SNAPC1: variants seen among roughly 807,000 people sequenced by gnomAD.
SNAPC1 encodes small nuclear RNA activating complex polypeptide 1, also known as snRNA-activating protein complex subunit 1.
Under a neutral mutation model 50.1 loss-of-function variants are expected in SNAPC1, and 42 were observed. The ratio of observed to expected loss-of-function variants is 0.84; its 90% CI spans 0.65 to 1.08. The LOEUF is 1.08. Ranked by LOEUF, SNAPC1 falls within the 50% of genes least tolerant of loss-of-function variation. The pLI is 0.00. For synonymous variants in SNAPC1, 164 were observed against 144.2 expected, an observed-to-expected ratio of 1.14 and a Z score of -0.98; for missense variants, 477 against 427.3, an observed-to-expected ratio of 1.12 and a Z score of -1.02.
At chr14:61,786,511 T>C (rs1409417600) in intron 8 of SNAPC1, among the ~76,000 whole-genome samples, 2 of 152,182 alleles carry the variant, frequency 1.3e-5, no homozygotes, top group Non-Finnish European at 2.9e-5. Context: ...AGAAAAGATA[T>C]GGATGGCAAA....
Position 61,767,260 on chromosome 14 carries a change from G to T in SNAPC1, c.337G>T (p.Asp113Tyr), listed in dbSNP as rs772293809. Residue 113 changes from aspartate (D) to tyrosine (Y), a missense_variant, in exon 3 of 10, where the codon GAT becomes TAT. Asp to Tyr is a radical substitution (Grantham distance 160, BLOSUM62 -3). Coordinates refer to ENST00000216294, the MANE Select transcript of SNAPC1 (RefSeq NM_003082.4). ...GGATGAAGTTTTAAAATTTCAGCAA[G>T]ATTTAGTAAATGCACAGCATTTTGA... ...DWDEVLKFQQDLVNAQHFDAA... is the reference protein window; with the variant it reads ...DWDEVLKFQQYLVNAQHFDAA... The T allele has an allele frequency of 6.6e-7, 1 of 1,524,532 alleles. No individual in the cohort carries two copies. The highest frequency in any genetic ancestry group is 8.8e-7 in the Non-Finnish European group (1 of 1,134,746). 94.4% of individuals were successfully genotyped at this position (1,524,532 alleles called of 1,614,324 possible). A position where few individuals can be genotyped will look rare whatever the true frequency, so the allele number is the denominator to read the frequency against.
intron 1 of SNAPC1, among the ~76,000 whole-genome samples, chr14:61,765,854 T>C (rs543287977): frequency 2.6e-5 from 4 of 152,202 alleles, no homozygotes; most frequent in Non-Finnish European, 5.9e-5. Context: ...TCCTCCTCCT[T>C]TCTTCTGATG....
At chr14:61,774,193 G>A (rs1369912289) in intron 4 of SNAPC1, among the ~76,000 whole-genome samples, 1 of 149,744 alleles carries the variant, frequency 6.7e-6, no homozygotes, top group African/African-American at 2.5e-5. Context: ...TAAAGGTGGG[G>A]GTCTTGCTGT....
intron 8 of SNAPC1, among the ~76,000 whole-genome samples, chr14:61,790,683 C>A (rs549713531): frequency 1.3e-5 from 2 of 152,204 alleles, no homozygotes; most frequent in South Asian, 4.2e-4. Flanking sequence ...TGTCCAAGAC[C>A]TTCTAGATAA....
intron 8 of SNAPC1, among the ~76,000 whole-genome samples, chr14:61,787,495 A>T (rs776980536): frequency 6.6e-6 from 1 of 152,164 alleles, no homozygotes; most frequent in Non-Finnish European, 1.5e-5. Context: ...GAATCACGGC[A>T]GATTCAGAGA....
rs544564599 is a variant in SNAPC1, at chr14:61,765,635, C to T, written c.129-1241C>T. Among the ~76,000 whole-genome samples, 111 of 152,140 alleles carry T rather than the reference C, an allele frequency of 7.3e-4. 4 individuals are homozygous for T. The South Asian group carries it at 0.022, about 30-fold the overall frequency. ...CAGATATGCATCTATCTCAGTGAGCCGAGAAGTCACTTTGAATAGAATGGG... is the reference window on the plus strand; with the variant it reads ...CAGATATGCATCTATCTCAGTGAGCTGAGAAGTCACTTTGAATAGAATGGG... On this transcript the variant is annotated intron_variant, in intron 1 of 9. Transcript: ENST00000216294.
intron 6 of SNAPC1, 87 bp downstream of exon 6, chr14:61,778,227 TAAGAG>T (rs2045048630): frequency 2.8e-6 from 2 of 720,328 alleles, no homozygotes; most frequent in South Asian, 2.5e-5. Flanking sequence ...ATAAGACATA[TAAGAG>T]AAAATTCTGA....
At chr14:61,774,648 ATTTT>A (rs35300490) in intron 4 of SNAPC1, among the ~76,000 whole-genome samples, 46 of 90,962 alleles carry the variant, frequency 5.1e-4, no homozygotes, top group African/African-American at 1.9e-3. Context: ...TCAGTTTCTC[ATTTT>A]TTTTTTTTTT....
intron 8 of SNAPC1, among the ~76,000 whole-genome samples, chr14:61,786,978 C>A (rs1174920393): frequency 6.6e-6 from 1 of 152,214 alleles, no homozygotes; most frequent in Non-Finnish European, 1.5e-5. Context: ...AGCTATCATA[C>A]ATCTAACAAC....
chr14:61,769,966 G>T (rs1408287382), intron 4 of SNAPC1, among the ~76,000 whole-genome samples: 4 of 152,062 alleles, frequency 2.6e-5, no homozygotes, highest in African/African-American at 9.7e-5. Flanking sequence ...GGGACACTTT[G>T]GTCGTGCTTT....
chr14:61,791,586 G>A (rs907590283), intron 8 of SNAPC1, among the ~76,000 whole-genome samples: 3 of 152,064 alleles, frequency 2.0e-5, no homozygotes, highest in South Asian at 2.1e-4. Context: ...GGTGGCTCAC[G>A]CCTGTAATCC....
At chr14:61,769,270 A>C (rs975615074) in intron 4 of SNAPC1, among the ~76,000 whole-genome samples, 43 of 151,966 alleles carry the variant, frequency 2.8e-4, no homozygotes, top group Non-Finnish European at 5.3e-4. Context: ...AGGCTGGAGA[A>C]TCACAAACCC....
In SNAPC1 at chr14:61,795,000, A is replaced by G. The variant is rs747378548; in HGVS notation, c.*17A>G. ...AAACACTGAACAAAGAGCCTGGTGT[A>G]GTTTTTAATTTTGAGTTTTCTGACA... On this transcript the variant is annotated 3_prime_UTR_variant, in exon 10 of 10. Coordinates refer to ENST00000216294, the MANE Select transcript of SNAPC1 (RefSeq NM_003082.4). 6.5e-6 allele frequency: 10 copies of G among 1,542,934 alleles called. No homozygotes were observed. The highest frequency in any genetic ancestry group is 8.8e-6 in the Non-Finnish European group (10 of 1,142,098).
chr14:61,770,681 T>C, intron 4 of SNAPC1, among the ~76,000 whole-genome samples: 1 of 152,170 alleles, frequency 6.6e-6, no homozygotes, highest in East Asian at 1.9e-4. Context: ...GGCCTGGAGA[T>C]GGTCCATGTC....
In SNAPC1 at chr14:61,794,898, GTTTT is replaced by G. The variant is rs746063173; in HGVS notation, c.1073-44_1073-41del. ...TAAGTGTCAGTTGTTTTTTTTGTTTGTTTTTTTTTTGTTTTTAGATCTGACTGAC... is the reference window on the plus strand; with the variant it reads ...TAAGTGTCAGTTGTTTTTTTTGTTTGTTTTTTGTTTTTAGATCTGACTGAC... On this transcript the variant is annotated intron_variant, in intron 9 of 9. Coordinates refer to ENST00000216294, the MANE Select transcript of SNAPC1 (RefSeq NM_003082.4). 6.9e-6 allele frequency: 8 copies of G among 1,160,672 alleles called. No homozygotes were observed. The South Asian group carries it at 1.0e-4, about 14-fold the overall frequency. The allele number at this position is 1,160,672 out of a possible 1,614,324, so 71.9% of individuals were successfully genotyped here. A position where few individuals can be genotyped will look rare whatever the true frequency, so the allele number is the denominator to read the frequency against.
At chr14:61,794,284 CTT>C (rs2045172705) in intron 9 of SNAPC1, among the ~76,000 whole-genome samples, 1 of 152,006 alleles carries the variant, frequency 6.6e-6, no homozygotes, top group African/African-American at 2.4e-5. Context: ...TTCACAGTAA[CTT>C]ATTATTAATT....
intron 5 of SNAPC1, among the ~76,000 whole-genome samples, chr14:61,777,606 T>G (rs2045044328): frequency 7.3e-6 from 1 of 136,168 alleles, no homozygotes; most frequent in South Asian, 2.6e-4. Flanking sequence ...ACCAGTTTAG[T>G]TTTAATTTTT....
At chr14:61,778,164 T>G in intron 6 of SNAPC1, 24 bp downstream of exon 6, 1 of 1,443,084 alleles carries the variant, frequency 6.9e-7, no homozygotes, top group Non-Finnish European at 9.7e-7. Context: ...GCAATTCATA[T>G]TATGTGTGGC....
chr14:61,764,530 T>C (rs996809596), intron 1 of SNAPC1, among the ~76,000 whole-genome samples: 1 of 152,216 alleles, frequency 6.6e-6, no homozygotes, highest in Non-Finnish European at 1.5e-5. Flanking sequence ...ATAATTATCC[T>C]TGTTTTATAG....
Sources: allele counts gnomAD v4.1 joint callset (sites outside exome capture counted in the v4.1 genomes callset), GRCh38; gene constraint gnomAD v4.1.1; transcripts MANE v1.5; gene names NCBI Gene and HGNC (gene_info 2026-07-23, HGNC 2026-07-21).